Variants in LINGO1 observed in about 807,000 individuals in gnomAD.
LINGO1 encodes leucine-rich repeat and immunoglobulin-like domain-containing nogo receptor-interacting protein 1.
In LINGO1, 11 loss-of-function variants were observed where a neutral mutation model predicts 37.3. The observed-to-expected ratio is 0.29, with a 90% CI of 0.19 to 0.49. The LOEUF is 0.49. Ranked by LOEUF, LINGO1 falls within the 20% of genes least tolerant of loss-of-function variation. The pLI is 0.99. For synonymous variants in LINGO1, 387 were observed against 403.0 expected (o/e 0.96, Z 0.48); for missense variants, 585 against 878.2 (o/e 0.67, Z 4.22).
intron 3 of LINGO1, among the ~76,000 whole-genome samples, chr15:77,663,692 G>A (rs541168001): frequency 3.3e-5 from 5 of 152,266 alleles, no homozygotes; most frequent in African/African-American, 7.2e-5. Context: ...CTGCGTGGGG[G>A]TGCGCTTACA....
At chr15:77,668,795 A>ACACG (rs2075191756) in intron 3 of LINGO1, among the ~76,000 whole-genome samples, 1 of 76,438 alleles carries the variant, frequency 1.3e-5, no homozygotes, top group Non-Finnish European at 2.8e-5. Context: ...AGGGGAATAC[A>ACACG]CACACACACA....
chr15:77,767,354 C>T (rs1018274520), intron 1 of LINGO1, among the ~76,000 whole-genome samples: 1 of 152,188 alleles, frequency 6.6e-6, no homozygotes, highest in African/African-American at 2.4e-5. Context: ...TACACCCAGT[C>T]AGACTGTCAG....
At chr15:77,735,884 C>A in intron 1 of LINGO1, among the ~76,000 whole-genome samples, 1 of 152,196 alleles carries the variant, frequency 6.6e-6, no homozygotes, top group East Asian at 1.9e-4. Flanking sequence ...GCACACATAT[C>A]TTACTCCCAG....
At chr15:77,722,600 T>C (rs2076061411) in intron 2 of LINGO1, among the ~76,000 whole-genome samples, 1 of 152,260 alleles carries the variant, frequency 6.6e-6, no homozygotes, top group African/African-American at 2.4e-5. Flanking sequence ...ATGCAGGAAG[T>C]GGATACTGTG....
intron 3 of LINGO1, chr15:77,646,589 G>A (rs1296503709): frequency 1.5e-5 from 5 of 342,812 alleles, no homozygotes; most frequent in East Asian, 1.8e-4. Context: ...CAGACCAGGG[G>A]CCAGCCTCTC....
At chr15:77,694,908 G>A (rs916781539) in intron 1 of LINGO1, among the ~76,000 whole-genome samples, 8 of 152,328 alleles carry the variant, frequency 5.3e-5, no homozygotes, top group Non-Finnish European at 7.4e-5. Context: ...AGTGTCAGGA[G>A]GTGGGGTCTC....
upstream of LINGO1, among the ~76,000 whole-genome samples, chr15:77,638,665 A>T (rs891297745): frequency 1.3e-5 from 2 of 152,222 alleles, no homozygotes; most frequent in African/African-American, 4.8e-5. Flanking sequence ...AAGGCAGCAT[A>T]GTGGCTCGAA....
At chr15:77,627,805 T>G (rs185825554) in intron 1 of LINGO1, among the ~76,000 whole-genome samples, 1 of 152,276 alleles carries the variant, frequency 6.6e-6, no homozygotes, top group East Asian at 1.9e-4. Context: ...TCATCCTACT[T>G]GCTTGGGGAG....
intron 1 of LINGO1, among the ~76,000 whole-genome samples, chr15:77,749,953 G>C (rs905042294): frequency 3.3e-5 from 5 of 152,046 alleles, no homozygotes; most frequent in Non-Finnish European, 7.4e-5. Context: ...TCTCAGGGTG[G>C]GGGTGGGGAG....
intron 2 of LINGO1, among the ~76,000 whole-genome samples, chr15:77,707,757 C>A (rs1394991337): frequency 6.6e-6 from 1 of 152,186 alleles, no homozygotes; most frequent in East Asian, 1.9e-4. Flanking sequence ...AGAGGCTGGG[C>A]AGCCCTTGAG....
intron 1 of LINGO1, among the ~76,000 whole-genome samples, chr15:77,776,473 GCA>G: frequency 1.5e-5 from 2 of 137,492 alleles, no homozygotes; most frequent in African/African-American, 5.7e-5. Flanking sequence ...AGGCAGGAAG[GCA>G]GGAAGGCAGG....
intron 2 of LINGO1, among the ~76,000 whole-genome samples, chr15:77,730,703 A>G (rs1187443273): frequency 1.3e-5 from 2 of 152,252 alleles, no homozygotes; most frequent in Non-Finnish European, 2.9e-5. Context: ...GGGGGAAAAA[A>G]GCCAGACTTT....
At chr15:77,621,573 A>AGGGGAGGGGCTGTCCTGTC (rs1555520760) in intron 1 of LINGO1, among the ~76,000 whole-genome samples, 1 of 151,584 alleles carries the variant, frequency 6.6e-6, no homozygotes, top group East Asian at 1.9e-4. Flanking sequence ...AGGCCAGGCC[A>AGGGGAGGGGCTGTCCTGTC]GGGGAGGGGC....
intron 1 of LINGO1, among the ~76,000 whole-genome samples, chr15:77,740,803 C>T (rs2076255456): frequency 6.6e-6 from 1 of 152,180 alleles, no homozygotes; most frequent in African/African-American, 2.4e-5. Context: ...ACCGAGGCTG[C>T]CCAAGCAGAT....
chr15:77,687,624 G>C (rs1415322489), intron 2 of LINGO1, among the ~76,000 whole-genome samples: 1 of 152,234 alleles, frequency 6.6e-6, no homozygotes, highest in Non-Finnish European at 1.5e-5. Flanking sequence ...AACACAGTGA[G>C]GACAGTCAGC....
intron 1 of LINGO1, among the ~76,000 whole-genome samples, chr15:77,762,887 C>T (rs967430129): frequency 6.6e-6 from 1 of 152,170 alleles, no homozygotes; most frequent in Non-Finnish European, 1.5e-5. Context: ...CCCTACAGGG[C>T]AGGGAGCTCC....
chr15:77,802,909 G>A (rs923984901), intron 1 of LINGO1, among the ~76,000 whole-genome samples: 4 of 152,132 alleles, frequency 2.6e-5, no homozygotes, highest in Non-Finnish European at 4.4e-5. Context: ...GGGACCACCA[G>A]ACCCCCTGGG....
intron 1 of LINGO1, among the ~76,000 whole-genome samples, chr15:77,745,963 C>T (rs1340530660): frequency 6.6e-6 from 1 of 151,898 alleles, no homozygotes; most frequent in Non-Finnish European, 1.5e-5. Flanking sequence ...GGCACGGTGG[C>T]TCACATCTGC....
chr15:77,816,228 G>A (rs2077047031), intron 1 of LINGO1, among the ~76,000 whole-genome samples: 1 of 152,114 alleles, frequency 6.6e-6, no homozygotes, highest in African/African-American at 2.4e-5. Context: ...TCCGGGGAGG[G>A]GCCCAGGCTC....
Sources: allele counts gnomAD v4.1 joint callset (sites outside exome capture counted in the v4.1 genomes callset), GRCh38; gene constraint gnomAD v4.1.1; transcripts MANE v1.5; gene names NCBI Gene and HGNC (gene_info 2026-07-23, HGNC 2026-07-21).